Variants in LRP1B observed in about 807,000 individuals in gnomAD.
LRP1B encodes LDL receptor related protein 1B.
Under a neutral mutation model 556.6 loss-of-function variants are expected in LRP1B, and 217 were observed. The observed-to-expected ratio is 0.39, with a 90% CI of 0.35 to 0.44. The LOEUF is 0.44. LRP1B is among the 20% of genes least tolerant of loss of function. LRP1B has a pLI of 1.00. For synonymous variants in LRP1B, 2,047 were observed against 1,865.8 expected (o/e 1.10, Z -2.50); for missense variants, 5,053 against 5,620.8 (o/e 0.90, Z 3.23).
At chr2:141,797,183 A>ATATAAC (rs1695851081) in intron 2 of LRP1B, among the ~76,000 whole-genome samples, 1 of 136,802 alleles carries the variant, frequency 7.3e-6, no homozygotes, top group Non-Finnish European at 1.6e-5. Flanking sequence ...ATATATATAT[A>ATATAAC]TATAACTATA....
intron 3 of LRP1B, among the ~76,000 whole-genome samples, chr2:141,470,258 G>C (rs1682410959): frequency 6.6e-6 from 1 of 152,102 alleles, no homozygotes; most frequent in South Asian, 2.1e-4. Flanking sequence ...ACTTCAAAGA[G>C]TCAAAATGAA....
rs969699976 is a variant in LRP1B, at chr2:141,698,736, G to GA, written c.205+111542dup. Among the ~76,000 whole-genome samples, 199 of 141,360 alleles carry GA rather than the reference G, an allele frequency of 1.4e-3. 1 individual carries two copies. The highest frequency in any genetic ancestry group is 3.5e-3 in the African/African-American group (134 of 38,786). 92.7% of individuals were successfully genotyped at this position (141,360 alleles called of 152,430 possible). Reference sequence around the variant, plus strand: ...ATGTTTGTGAAGAAATTTCAGAACGGAAAAAAAAAAAGAGCTTAGGGCATT... The same window carrying GA: ...ATGTTTGTGAAGAAATTTCAGAACGGAAAAAAAAAAAAGAGCTTAGGGCATT... On this transcript the variant is annotated intron_variant, in intron 2 of 90. Transcript: ENST00000389484.
chr2:140,323,571 T>G (rs955513575), intron 81 of LRP1B, among the ~76,000 whole-genome samples: 1 of 143,510 alleles, frequency 7.0e-6, no homozygotes, highest in Admixed American at 6.8e-5. Flanking sequence ...ACCTGCACAT[T>G]GTGCACATGT....
chr2:140,782,945 A>G (rs2104966666), intron 32 of LRP1B, among the ~76,000 whole-genome samples: 1 of 152,302 alleles, frequency 6.6e-6, no homozygotes, highest in Non-Finnish European at 1.5e-5. Context: ...GGAGTATGGC[A>G]TTAACTCCCA....
At chr2:141,591,581 GGTGT>G (rs72043982) in intron 2 of LRP1B, among the ~76,000 whole-genome samples, 74 of 148,174 alleles carry the variant, frequency 5.0e-4, no homozygotes, top group African/African-American at 1.7e-3. Context: ...ACTGCAGAGT[GGTGT>G]GTGTGTGTGT....
intron 49 of LRP1B, among the ~76,000 whole-genome samples, chr2:140,520,300 T>TCATCCA (rs1429855593): frequency 9.2e-5 from 14 of 152,254 alleles, no homozygotes; most frequent in Admixed American, 3.9e-4. Context: ...TTCATGTCCT[T>TCATCCA]TGTAAGGACA....
intron 83 of LRP1B, among the ~76,000 whole-genome samples, chr2:140,308,598 G>T (rs1281943015): frequency 2.0e-5 from 3 of 151,568 alleles, no homozygotes; most frequent in Non-Finnish European, 4.4e-5. Flanking sequence ...TCAAATTTTT[G>T]TCTTTGAGTA....
intron 2 of LRP1B, among the ~76,000 whole-genome samples, chr2:141,786,179 A>G (rs956750869): frequency 6.6e-6 from 1 of 151,996 alleles, no homozygotes; most frequent in African/African-American, 2.4e-5. Context: ...CAAATGGTAT[A>G]AATAAGTGGC....
intron 11 of LRP1B, among the ~76,000 whole-genome samples, chr2:141,032,826 C>CATACATACATACATACATATATATATAT: frequency 3.2e-5 from 4 of 126,614 alleles, no homozygotes; most frequent in Non-Finnish European, 5.0e-5. Flanking sequence ...TATATACATA[C>CATACATACATACATACATATATATATAT]ATATATATAT....
At chr2:141,636,522 G>A (rs1374125404) in intron 2 of LRP1B, among the ~76,000 whole-genome samples, 1 of 152,102 alleles carries the variant, frequency 6.6e-6, no homozygotes, top group Non-Finnish European at 1.5e-5. Context: ...AAGATAATGT[G>A]CAATATGTAT....
intron 2 of LRP1B, among the ~76,000 whole-genome samples, chr2:141,604,375 G>A (rs1012365277): frequency 3.3e-5 from 5 of 152,016 alleles, no homozygotes; most frequent in African/African-American, 9.7e-5. Flanking sequence ...AGATAAGCAC[G>A]GTAAAATAAG....
At chr2:141,050,491 C>CT (rs1699004910) in intron 10 of LRP1B, among the ~76,000 whole-genome samples, 2 of 151,984 alleles carry the variant, frequency 1.3e-5, no homozygotes, top group Admixed American at 1.3e-4. Context: ...AATGCTGTCC[C>CT]TCCCCTTGCC....
intron 3 of LRP1B, among the ~76,000 whole-genome samples, chr2:141,418,878 CT>C (rs2104959240): frequency 6.6e-6 from 1 of 151,926 alleles, no homozygotes; most frequent in East Asian, 1.9e-4. Context: ...CATAGGAGGT[CT>C]TTCCATTATT....
intron 2 of LRP1B, among the ~76,000 whole-genome samples, chr2:141,736,063 C>A (rs752582694): frequency 6.6e-6 from 1 of 152,140 alleles, no homozygotes; most frequent in East Asian, 1.9e-4. Context: ...ACACTGGGAA[C>A]AATTCTCACC....
At chr2:140,766,861 T>TATATATATATA (rs1689138232) in intron 35 of LRP1B, among the ~76,000 whole-genome samples, 3 of 57,144 alleles carry the variant, frequency 5.2e-5, no homozygotes, top group African/African-American at 7.9e-5. Context: ...TATATATATA[T>TATATATATATA]ATATAATATA....
intron 3 of LRP1B, among the ~76,000 whole-genome samples, chr2:141,258,837 C>T (rs1684580601): frequency 6.6e-6 from 1 of 152,156 alleles, no homozygotes; most frequent in Non-Finnish European, 1.5e-5. Flanking sequence ...TTGGCTTCCA[C>T]CACGATTGTA....
At chr2:141,300,101 T>A (rs559580603) in intron 3 of LRP1B, among the ~76,000 whole-genome samples, 1 of 152,292 alleles carries the variant, frequency 6.6e-6, no homozygotes, top group Admixed American at 6.5e-5. Flanking sequence ...GTCAGCAGTC[T>A]ACAGTCCAGA....
intron 36 of LRP1B, 83 bp downstream of exon 36, chr2:140,716,599 G>T: frequency 7.2e-7 from 1 of 1,383,588 alleles, no homozygotes; most frequent in Non-Finnish European, 9.8e-7. Context: ...ACTGTTATGA[G>T]TTAGAAAAGA....
chr2:141,567,308 T>C (rs62169803), intron 2 of LRP1B, among the ~76,000 whole-genome samples: 4,316 of 152,228 alleles, frequency 0.028, 116 homozygotes, highest in East Asian at 0.13. Flanking sequence ...AATAATTATA[T>C]ATAAAATTGT....
Sources: gnomAD v4.1 joint callset for allele counts (sites outside exome capture counted in the v4.1 genomes callset) on GRCh38, gnomAD v4.1.1 for gene constraint, MANE v1.5 for transcripts, NCBI Gene and HGNC (gene_info 2026-07-23, HGNC 2026-07-21) for gene names.